The following PTPRE variants were observed in gnomAD, a reference collection of about 807,000 sequenced individuals.
The protein encoded by PTPRE is protein tyrosine phosphatase receptor type E, also known as receptor-type tyrosine-protein phosphatase epsilon.
In PTPRE, 51 loss-of-function variants were observed where a neutral mutation model predicts 102.0. That is an observed-to-expected ratio of 0.50 (90% CI 0.40 to 0.63). The LOEUF is 0.63. PTPRE is among the 30% of genes least tolerant of loss of function. PTPRE has a pLI of 0.00. For synonymous variants in PTPRE, 345 were observed against 348.2 expected, an observed-to-expected ratio of 0.99 and a Z score of 0.10; for missense variants, 752 against 915.1, an observed-to-expected ratio of 0.82 and a Z score of 2.30.
intron 1 of PTPRE, among the ~76,000 whole-genome samples, chr10:127,972,650 T>C (rs1428402468): frequency 6.6e-6 from 1 of 152,170 alleles, no homozygotes; most frequent in Admixed American, 6.5e-5. Context: ...CATCAGCAAG[T>C]ATCGGTGACC....
At chr10:128,037,964 T>C (rs1847362475) in intron 2 of PTPRE, among the ~76,000 whole-genome samples, 1 of 145,058 alleles carries the variant, frequency 6.9e-6, no homozygotes, top group East Asian at 2.0e-4. Context: ...CTAATTTTTT[T>C]TTTTTTTTTT....
Position 127,996,368 on chromosome 10 carries a change from C to T in PTPRE, c.-8+14072C>T, listed in dbSNP as rs141271651. On this transcript the variant is annotated intron_variant, in intron 2 of 20. Transcript: ENST00000254667. ...TAAACACCTAAGAGAGGGTTTGGGA[C>T]GTGAGTGGTTGCGTGTTGCACACCA... Among the ~76,000 whole-genome samples the T allele has an allele frequency of 1.0e-3, 156 of 152,294 alleles. 2 individuals carry two copies. Among genetic ancestry groups the T allele is most frequent in the African/African-American group, 3.4e-3 (141 of 41,550 alleles).
Position 127,907,386 on chromosome 10 carries a change from C to CA in PTPRE, c.-31+77_-31+78insA. 2.1e-6 allele frequency: 2 copies of CA among 965,466 alleles called. No individual in the cohort carries two copies. The highest frequency in any genetic ancestry group is 2.5e-6 in the Non-Finnish European group (2 of 812,384). The allele number at this position is 965,466 out of a possible 1,614,324, so 59.8% of individuals were successfully genotyped here. On this transcript the variant is annotated intron_variant, in intron 1 of 20. Coordinates refer to ENST00000254667, the MANE Select transcript of PTPRE (RefSeq NM_006504.6). This position sits in a 1 kb window ranked among gnomAD's most constrained non-coding sequence, Gnocchi z 4.8. ...CCCGGGAGGCCCAAGCAGGCCGGGGCGCTGCCTCGGCCGCTGCCGCGGGAG... is the reference window on the plus strand; with the variant it reads ...CCCGGGAGGCCCAAGCAGGCCGGGGCAGCTGCCTCGGCCGCTGCCGCGGGAG...
At chr10:128,022,471 C>T (rs756692802) in intron 2 of PTPRE, among the ~76,000 whole-genome samples, 1 of 152,204 alleles carries the variant, frequency 6.6e-6, no homozygotes, top group East Asian at 1.9e-4. Context: ...GCTTTGGAAT[C>T]GACGGCCCAG....
intron 1 of PTPRE, among the ~76,000 whole-genome samples, chr10:127,955,352 A>G (rs1849329055): frequency 6.6e-6 from 1 of 152,324 alleles, no homozygotes; most frequent in Admixed American, 6.5e-5. Flanking sequence ...AATCATGACC[A>G]GTGAGGTGCT....
rs543167989 is a variant in PTPRE, at chr10:127,971,560, C to T, written c.-30-10714C>T. ...GCCTTGCTGTCCTCGCAGGTACTAGCGCATTCCACTTCCTTTAGAGAATGA... is the reference window on the plus strand; with the variant it reads ...GCCTTGCTGTCCTCGCAGGTACTAGTGCATTCCACTTCCTTTAGAGAATGA... On this transcript the variant is annotated intron_variant, in intron 1 of 20. Coordinates refer to ENST00000254667, the MANE Select transcript of PTPRE (RefSeq NM_006504.6). Among the ~76,000 whole-genome samples the T allele has an allele frequency of 4.6e-5, 7 of 152,338 alleles. No individual in the cohort carries two copies. The South Asian group carries it at 8.3e-4, about 18-fold the overall frequency.
chr10:128,047,289 T>G, intron 3 of PTPRE, 101 bp from the exon 4 acceptor site: 1 of 1,450,800 alleles, frequency 6.9e-7, no homozygotes, highest in Non-Finnish European at 9.2e-7. Context: ...CAAAATATAG[T>G]TTGGGGTTCT....
chr10:128,011,702 C>G (rs779960125), intron 2 of PTPRE, among the ~76,000 whole-genome samples: 2 of 152,242 alleles, frequency 1.3e-5, no homozygotes, highest in Non-Finnish European at 1.5e-5. Context: ...TATGCTTCCT[C>G]TATCTGTCCT....
At chr10:128,013,205 G>A (rs1053426868) in intron 2 of PTPRE, among the ~76,000 whole-genome samples, 9 of 152,170 alleles carry the variant, frequency 5.9e-5, no homozygotes, top group African/African-American at 2.2e-4. Context: ...CCCTGGAACT[G>A]TATTACTTCA....
At chr10:128,077,475 C>T in intron 18 of PTPRE, 142 bp from the exon 19 acceptor site, 1 of 1,092,866 alleles carries the variant, frequency 9.2e-7, no homozygotes, top group Non-Finnish European at 1.3e-6. Context: ...CCTTCTCCTT[C>T]AGGCTGCCTC....
At chr10:127,941,904 A>G (rs1433726416) in intron 1 of PTPRE, among the ~76,000 whole-genome samples, 1 of 152,176 alleles carries the variant, frequency 6.6e-6, no homozygotes, top group Non-Finnish European at 1.5e-5. Context: ...CCCAGGGCAG[A>G]GCCACCAGTG....
At chr10:128,040,650 G>T (rs1847607286) in intron 2 of PTPRE, among the ~76,000 whole-genome samples, 1 of 152,148 alleles carries the variant, frequency 6.6e-6, no homozygotes, top group African/African-American at 2.4e-5. Context: ...CAGGTCCTTT[G>T]AGTCCTGGTT....
intron 2 of PTPRE, among the ~76,000 whole-genome samples, chr10:128,010,685 G>C (rs1844938503): frequency 6.6e-6 from 1 of 151,906 alleles, no homozygotes; most frequent in Non-Finnish European, 1.5e-5. Context: ...TCCGCCTCCC[G>C]GGTTCACACC....
rs1849542760 is a variant in PTPRE, at chr10:128,061,029, G to A, written c.588+14G>A. The A allele has an allele frequency of 6.2e-7, 1 of 1,613,232 alleles. No individual in the cohort carries two copies. ...TCCTACATAGATGTAAGTGGGCAGA[G>A]GTTTCTTGTTCCCCTGGCCCAGCTG... is the stretch of plus-strand genomic sequence containing the variant. On this transcript the variant is annotated intron_variant, in intron 8 of 20. Transcript: ENST00000254667.
At position 128,028,891 on chromosome 10, in the gene PTPRE, C is replaced by T. The variant is rs1846486859; in HGVS notation, c.-7-11984C>T. 6.6e-6 allele frequency among the ~76,000 whole-genome samples: 1 copy of T among 152,210 alleles called. No homozygotes were observed. The highest frequency in any genetic ancestry group is 2.4e-5 in the African/African-American group (1 of 41,462). On this transcript the variant is annotated intron_variant, in intron 2 of 20. Transcript: ENST00000254667. This position sits in a 1 kb window ranked among gnomAD's most constrained non-coding sequence, Gnocchi z 4.5. Reference sequence around the variant, plus strand: ...GCCCTCGTCCCGAATGCTGTCCCCTCTGGCCTCAGCTGTCCTCCTCGAGGA... The same window carrying T: ...GCCCTCGTCCCGAATGCTGTCCCCTTTGGCCTCAGCTGTCCTCCTCGAGGA...
chr10:127,996,038 T>C (rs1853229445), intron 2 of PTPRE, among the ~76,000 whole-genome samples: 2 of 152,232 alleles, frequency 1.3e-5, no homozygotes, highest in African/African-American at 2.4e-5. Context: ...GGAAAATTCA[T>C]TTCATGGACA....
At chr10:128,043,349 G>A (rs1847857938) in intron 3 of PTPRE, among the ~76,000 whole-genome samples, 1 of 152,220 alleles carries the variant, frequency 6.6e-6, no homozygotes, top group South Asian at 2.1e-4. Flanking sequence ...GTTCTCTTAA[G>A]GAGCACGCAA....
At chr10:128,077,239 G>A (rs574994206) in intron 18 of PTPRE, among the ~76,000 whole-genome samples, 6 of 152,234 alleles carry the variant, frequency 3.9e-5, no homozygotes, top group Non-Finnish European at 7.4e-5. Flanking sequence ...GAGCCACCCT[G>A]GCCACCAGAC....
chr10:128,023,439 T>C (rs994317326), intron 2 of PTPRE, among the ~76,000 whole-genome samples: 2 of 151,332 alleles, frequency 1.3e-5, no homozygotes, highest in African/African-American at 4.9e-5. Flanking sequence ...CTAAAATAGG[T>C]GAGTAGAGTA....
Sources: allele counts gnomAD v4.1 joint callset (sites outside exome capture counted in the v4.1 genomes callset), GRCh38; gene constraint gnomAD v4.1.1; non-coding constraint Gnocchi (gnomAD v3.1); transcripts MANE v1.5; gene names NCBI Gene and HGNC (gene_info 2026-07-23, HGNC 2026-07-21).